QDPR: variants seen among roughly 807,000 people sequenced by gnomAD.
QDPR encodes dihydropteridine reductase.
In QDPR, 23 loss-of-function variants were observed where a neutral mutation model predicts 31.7. The ratio of observed to expected loss-of-function variants is 0.73; its 90% confidence interval spans 0.52 to 1.03. QDPR has a LOEUF of 1.03. Among genes scored for constraint, QDPR ranks in the 50% least tolerant of loss-of-function variants. QDPR has a pLI of 0.00. For synonymous variants in QDPR, 124 were observed against 124.7 expected (o/e 0.99, Z 0.03); for missense variants, 324 against 323.8 (o/e 1.00, Z 0.00).
intron 4 of QDPR, among the ~76,000 whole-genome samples, chr4:17,496,454 A>G (rs1718359759): frequency 1.2e-5 from 1 of 80,098 alleles, no homozygotes; most frequent in Non-Finnish European, 2.9e-5. Context: ...AAAAAAAAAA[A>G]AAAAAAAAAA....
chr4:17,487,031 C>A lies in QDPR; in HGVS notation c.*100G>T, dbSNP rs1717982907. ...GAAAAATAGGACTCATTATCTCGTA[C>A]CACAAACAGGGGTTACAGAAAACAC... is the stretch of plus-strand genomic sequence containing the variant. On this transcript the variant is annotated 3_prime_UTR_variant, in exon 7 of 7. Coordinates refer to ENST00000281243, the MANE Select transcript of QDPR (RefSeq NM_000320.3). 1 of 924,234 alleles carries A rather than the reference C, an allele frequency of 1.1e-6. No homozygotes were observed. Among genetic ancestry groups the A allele is most frequent in the Non-Finnish European group, 1.8e-6 (1 of 559,620 alleles). 57.3% of individuals were successfully genotyped at this position (924,234 alleles called of 1,614,324 possible). A position where few individuals can be genotyped will look rare whatever the true frequency, so the allele number is the denominator to read the frequency against.
Position 17,512,025 on chromosome 4 carries a change from C to T in QDPR, c.30G>A (p.Ala10=). The T allele has an allele frequency of 6.2e-7, 1 of 1,605,984 alleles. No individual in the cohort carries two copies. Among genetic ancestry groups the T allele is most frequent in the East Asian group, 2.2e-5 (1 of 44,456 alleles). ...TGCCGCCGTACACCAGCACCCGGCG[C>T]GCCTCGCCTGCAGCCGCCGCCGCCG... MAAAAAAGE[A]RRVLVYGGRG... is the part of the protein sequence containing the mutation. The change falls in exon 1 of 7, where the codon GCG becomes GCA. Residue 10 remains alanine, a synonymous_variant. Transcript: ENST00000281243.
At chr4:17,506,296 ATTTTTGTATT>A (rs1255117507) in intron 2 of QDPR, among the ~76,000 whole-genome samples, 1 of 151,860 alleles carries the variant, frequency 6.6e-6, no homozygotes, top group Non-Finnish European at 1.5e-5. Context: ...CATTCAGCTA[ATTTTTGTATT>A]TTTTTGTAGA....
rs11556811 is a variant in QDPR at position 17,486,729 on chromosome 4, G to A, written c.*402C>T. 9 of 239,430 alleles carry A rather than the reference G, an allele frequency of 3.8e-5. No homozygotes were observed. The Admixed American group carries it at 4.5e-4, about 12-fold the overall frequency. The allele number at this position is 239,430 out of a possible 1,614,324, so 14.8% of individuals were successfully genotyped here. ...TCAAGGATGCGAAAACTACGTCTATGACATAAACATGACATTCAAAAATAA... is the reference window on the plus strand; with the variant it reads ...TCAAGGATGCGAAAACTACGTCTATAACATAAACATGACATTCAAAAATAA... On this transcript the variant is annotated 3_prime_UTR_variant, in exon 7 of 7. Transcript: ENST00000281243.
In QDPR at chr4:17,501,630, T is replaced by G. The variant is rs1718564206; in HGVS notation, c.436+89A>C. The G allele has an allele frequency of 2.0e-6, 3 of 1,497,958 alleles. No homozygotes were observed. In the Admixed American group the frequency reaches 5.3e-5, roughly 26 times the overall value. 92.8% of individuals were successfully genotyped at this position (1,497,958 alleles called of 1,614,324 possible). Reference sequence around the variant, plus strand: ...TTAAGCAGCTTAGAGGGTAAAGGCTTTAACAGTCCTCATCCCATGAAAGTG... The same window carrying G: ...TTAAGCAGCTTAGAGGGTAAAGGCTGTAACAGTCCTCATCCCATGAAAGTG... On this transcript the variant is annotated intron_variant, in intron 4 of 6. Coordinates refer to ENST00000281243, the MANE Select transcript of QDPR (RefSeq NM_000320.3).
At chr4:17,500,247 C>T (rs1243830156) in intron 4 of QDPR, among the ~76,000 whole-genome samples, 2 of 150,410 alleles carry the variant, frequency 1.3e-5, no homozygotes, top group Non-Finnish European at 3.0e-5. Flanking sequence ...GCCACTGCAC[C>T]CGGCCAAAAG....
At chr4:17,493,402 A>T (rs958401458) in intron 4 of QDPR, among the ~76,000 whole-genome samples, 3 of 151,712 alleles carry the variant, frequency 2.0e-5, no homozygotes, top group Admixed American at 6.6e-5. Flanking sequence ...ACGTCACTGT[A>T]CTCCCGTCTG....
At chr4:17,505,609 T>C (rs1718760483) in intron 2 of QDPR, among the ~76,000 whole-genome samples, 1 of 152,146 alleles carries the variant, frequency 6.6e-6, no homozygotes, top group Non-Finnish European at 1.5e-5. Flanking sequence ...CCCAGCACTT[T>C]GGGAGGCAGA....
chr4:17,509,061 G>A (rs1190288072), intron 2 of QDPR, among the ~76,000 whole-genome samples: 1 of 152,174 alleles, frequency 6.6e-6, no homozygotes, highest in Admixed American at 6.5e-5. Context: ...AGGAGGCTGA[G>A]GCAGGAGAAT....
rs768729528 is a variant in QDPR, at chr4:17,492,281, C to T, written c.496G>A (p.Gly166Arg). 9 of 1,614,076 alleles carry T rather than the reference C, an allele frequency of 5.6e-6. No homozygotes were observed. The Admixed American group carries it at 8.3e-5, about 15-fold the overall frequency. Reference sequence around the variant, plus strand: ...CCGGGCGGCATGCCGCTGTTCTTCCCAGCCAGGCTCTGGCAGAGCTGGTGA... The same window carrying T: ...CCGGGCGGCATGCCGCTGTTCTTCCTAGCCAGGCTCTGGCAGAGCTGGTGA... ...AVHQLCQSLAGKNSGMPPGAA... is the reference protein window; with the variant it reads ...AVHQLCQSLARKNSGMPPGAA... The change falls in exon 5 of 7, where the codon GGG (glycine) becomes AGG (arginine). Residue 166 changes from glycine to arginine, a missense_variant. By Grantham distance (125) the Gly-to-Arg change is moderately radical (BLOSUM62 -2). Coordinates refer to ENST00000281243, the MANE Select transcript of QDPR (RefSeq NM_000320.3).
chr4:17,507,587 C>T (rs1400054509), intron 2 of QDPR, among the ~76,000 whole-genome samples: 1 of 144,948 alleles, frequency 6.9e-6, no homozygotes, highest in Non-Finnish European at 1.5e-5. Context: ...TTAAGAGCAT[C>T]AAAGATTTTT....
intron 5 of QDPR, among the ~76,000 whole-genome samples, chr4:17,491,947 G>GC (rs1446172037): frequency 4.6e-5 from 7 of 152,278 alleles, no homozygotes; most frequent in African/African-American, 1.7e-4. Context: ...TGAGGAATGA[G>GC]CCCTCGCCAG....
At chr4:17,499,832 T>C (rs551435628) in intron 4 of QDPR, among the ~76,000 whole-genome samples, 18 of 152,244 alleles carry the variant, frequency 1.2e-4, no homozygotes, top group African/African-American at 3.9e-4. Context: ...AGGCAAAGGA[T>C]TGCTTGAGCC....
At position 17,501,743 on chromosome 4, in the gene QDPR, T is replaced by G. The variant is rs2108992947; in HGVS notation, c.412A>C (p.Lys138Gln). ...EGGLLTLAGA[K>Q]AALDGTPGMI... ...CCAGGAGTCCCATCCAGGGCAGCCT[T>G]TGCGCCAGCCAAGGTCAGGAGGCCT... Residue 138 changes from lysine to glutamine, a missense_variant, in exon 4 of 7, where the codon AAG (lysine) becomes CAG (glutamine). By Grantham distance (53) the Lys-to-Gln change is moderately conservative. Transcript: ENST00000281243. 2 of 1,614,090 alleles carry G rather than the reference T, an allele frequency of 1.2e-6. No individual in the cohort carries two copies. Among genetic ancestry groups the G allele is most frequent in the Non-Finnish European group, 1.7e-6 (2 of 1,180,018 alleles).
intron 6 of QDPR, 47 bp from the exon 7 acceptor site, chr4:17,487,283 C>A: frequency 7.0e-7 from 1 of 1,435,672 alleles, no homozygotes; most frequent in South Asian, 1.2e-5. Context: ...AAGCAAAAAT[C>A]TGGGCACATG....
Position 17,512,071 on chromosome 4 carries a change from C to CG in QDPR, c.-18dup. 1.3e-6 allele frequency: 2 copies of CG among 1,574,972 alleles called. No homozygotes were observed. Among genetic ancestry groups the CG allele is most frequent in the Non-Finnish European group, 1.7e-6 (2 of 1,163,016 alleles). ...CGCCGCCATCCTGCTCCTGCCAGCC[C>CG]GGCTCCCGCAGCTCCGAATGCCTCG... On this transcript the variant is annotated 5_prime_UTR_variant, in exon 1 of 7. Coordinates refer to ENST00000281243, the MANE Select transcript of QDPR (RefSeq NM_000320.3).
At position 17,511,958 on chromosome 4, in the gene QDPR, G is replaced by T. The variant is rs1719028294; in HGVS notation, c.97C>A (p.Arg33Ser). 3 of 1,610,488 alleles carry T rather than the reference G, an allele frequency of 1.9e-6. No individual in the cohort carries two copies. The highest frequency in any genetic ancestry group is 2.5e-6 in the Non-Finnish European group (3 of 1,179,010). Reference protein sequence around the residue: ...GSRCVQAFRARNWWVASVDVV... With the variant: ...GSRCVQAFRASNWWVASVDVV... ...CCAGCCCGCAGCATTACCCAGTTGC[G>T]GGCCCGAAAAGCCTGCACGCATCGA... Residue 33 changes from arginine to serine, a missense_variant, in exon 1 of 7, where the codon CGC (arginine) becomes AGC (serine). Coordinates refer to ENST00000281243, the MANE Select transcript of QDPR (RefSeq NM_000320.3).
At chr4:17,503,659 T>C (rs550674047) in intron 3 of QDPR, among the ~76,000 whole-genome samples, 1 of 152,186 alleles carries the variant, frequency 6.6e-6, no homozygotes, top group African/African-American at 2.4e-5. Flanking sequence ...AATGAAAAGT[T>C]GAAAAATGGG....
chr4:17,496,472 A>G (rs976156806), intron 4 of QDPR, among the ~76,000 whole-genome samples: 1,797 of 129,902 alleles, frequency 0.014, 21 homozygotes, highest in Non-Finnish European at 0.023. Flanking sequence ...AAAAAAAAAA[A>G]GAACAAACTG....
Sources: allele counts gnomAD v4.1 joint callset (sites outside exome capture counted in the v4.1 genomes callset), GRCh38; gene constraint gnomAD v4.1.1; transcripts MANE v1.5; gene names NCBI Gene and HGNC (gene_info 2026-07-23, HGNC 2026-07-21).